The following DMD variants were observed in gnomAD, a reference collection of about 807,000 sequenced individuals.
DMD encodes dystrophin.
DMD carries 63 observed loss-of-function variants against 330.1 expected under a neutral mutation model. The observed-to-expected ratio is 0.19, with a 90% CI of 0.16 to 0.24. DMD has a LOEUF of 0.24. DMD is among the 10% of genes least tolerant of loss of function. The pLI, the probability that DMD is intolerant of heterozygous loss-of-function variation, is 1.00. For synonymous variants in DMD, 1,223 were observed against 959.8 expected (o/e 1.27, Z -5.07); for missense variants, 3,344 against 2,684.1 (o/e 1.25, Z -5.43).
chrX:32,989,623 T>C (rs960321898), intron 2 of DMD, among the ~76,000 whole-genome samples: 6 of 111,879 alleles, frequency 5.4e-5, no homozygotes, highest in Admixed American at 9.5e-5. Flanking sequence ...AAATGTCATG[T>C]CTTTACAATG....
intron 12 of DMD, among the ~76,000 whole-genome samples, chrX:32,613,760 T>C (rs1410272737): frequency 1.8e-5 from 2 of 111,641 alleles, no homozygotes; most frequent in African/African-American, 3.2e-5. Flanking sequence ...TTGATTTCTT[T>C]TCCAAATACG....
chrX:33,088,553 A>G (rs2095040033), intron 1 of DMD, among the ~76,000 whole-genome samples: 1 of 111,074 alleles, frequency 9.0e-6, no homozygotes, highest in Admixed American at 9.6e-5. Context: ...GGATTCTTTA[A>G]TTAAGAAGCT....
At chrX:31,961,223 G>A (rs1246758816) in intron 45 of DMD, among the ~76,000 whole-genome samples, 2 of 111,841 alleles carry the variant, frequency 1.8e-5, no homozygotes, top group East Asian at 5.6e-4. Flanking sequence ...TTTAAGACTA[G>A]AAGGGATCAA....
chrX:31,337,238 G>A (rs1240026982), intron 61 of DMD, among the ~76,000 whole-genome samples: 1 of 110,534 alleles, frequency 9.0e-6, no homozygotes, highest in East Asian at 2.8e-4. Context: ...TATTCTTCAT[G>A]CCTCTCTGTA....
Position 32,565,239 on chromosome X carries a change from C to A in DMD, c.1992+463G>T, listed in dbSNP as rs569250876. Among the ~76,000 whole-genome samples the A allele has an allele frequency of 3.0e-4, 34 of 111,690 alleles. 1 individual carries two copies. The South Asian group carries it at 0.013, about 41-fold the overall frequency. On this transcript the variant is annotated intron_variant, in intron 16 of 78. Coordinates refer to ENST00000357033, the MANE Select transcript of DMD (RefSeq NM_004006.3). The stretch of plus-strand genomic sequence containing the variant: ...TACAATAGTCAGATAATTAACTACA[C>A]TAATAAAAAACTTTCCAAGAAATCA...
At chrX:31,266,976 C>A in intron 62 of DMD, 1 of 958,414 alleles carries the variant, frequency 1.0e-6, no homozygotes, top group Non-Finnish European at 1.4e-6. Flanking sequence ...CGCGGGCGGG[C>A]CGGGGAGGGG....
At chrX:33,308,785 T>A (rs983651077) in intron 1 of DMD, among the ~76,000 whole-genome samples, 9 of 111,994 alleles carry the variant, frequency 8.0e-5, no homozygotes, top group Non-Finnish European at 1.7e-4. Context: ...ATTTTGGGAA[T>A]TTTTTTAGAT....
chrX:33,125,365 A>G (rs1258406457), intron 1 of DMD, among the ~76,000 whole-genome samples: 2 of 111,547 alleles, frequency 1.8e-5, no homozygotes, highest in Non-Finnish European at 3.8e-5. Flanking sequence ...ATAAAAAATA[A>G]TATATATTTC....
At chrX:33,179,660 C>G (rs1421379082) in intron 1 of DMD, among the ~76,000 whole-genome samples, 1 of 104,690 alleles carries the variant, frequency 9.6e-6, no homozygotes, top group East Asian at 3.0e-4. Flanking sequence ...CGCCACTGCA[C>G]TCTAGCCTGG....
At chrX:33,328,328 C>T (rs1359954568) in intron 1 of DMD, among the ~76,000 whole-genome samples, 27 of 110,412 alleles carry the variant, frequency 2.4e-4, no homozygotes, top group Admixed American at 2.0e-3. Flanking sequence ...CTCAGCCTCC[C>T]GAGTAGCTGG....
At chrX:32,083,586 G>GA (rs918040795) in intron 44 of DMD, among the ~76,000 whole-genome samples, 4 of 109,737 alleles carry the variant, frequency 3.6e-5, no homozygotes, top group Admixed American at 1.9e-4. Flanking sequence ...CGTAGATAAG[G>GA]AAAAAAAAAT....
At chrX:32,585,456 C>T (rs1351503918) in intron 13 of DMD, among the ~76,000 whole-genome samples, 1 of 110,115 alleles carries the variant, frequency 9.1e-6, no homozygotes, top group Non-Finnish European at 1.9e-5. Flanking sequence ...AATCCCAGCA[C>T]TTTGGGAGGC....
At chrX:31,166,266 A>C (rs2039409254) in intron 74 of DMD, among the ~76,000 whole-genome samples, 1 of 111,701 alleles carries the variant, frequency 9.0e-6, no homozygotes, top group Admixed American at 9.5e-5. Flanking sequence ...GACACTTCTC[A>C]AACAGCCATC....
At chrX:32,812,052 G>A (rs181500050) in intron 6 of DMD, among the ~76,000 whole-genome samples, 6 of 111,045 alleles carry the variant, frequency 5.4e-5, no homozygotes, top group Admixed American at 9.6e-5. Flanking sequence ...GGCTGTTAAC[G>A]TATTATAATT....
chrX:31,813,033 T>A (rs1163827372), intron 50 of DMD, among the ~76,000 whole-genome samples: 1 of 111,952 alleles, frequency 8.9e-6, no homozygotes, highest in Non-Finnish European at 1.9e-5. Context: ...GATACATATA[T>A]ATCTGTCAGT....
chrX:32,150,390 C>A (rs1293938975), intron 44 of DMD, among the ~76,000 whole-genome samples: 1 of 111,884 alleles, frequency 8.9e-6, no homozygotes, highest in Non-Finnish European at 1.9e-5. Flanking sequence ...GCTGGCATTG[C>A]CAATCATTTT....
At chrX:31,529,586 G>A (rs759994747) in intron 55 of DMD, among the ~76,000 whole-genome samples, 2 of 110,654 alleles carry the variant, frequency 1.8e-5, no homozygotes, top group Admixed American at 9.6e-5. Context: ...TCTGTGACAC[G>A]ACGTTCTCTT....
At chrX:32,269,265 C>T (rs1478403484) in intron 43 of DMD, among the ~76,000 whole-genome samples, 1 of 111,086 alleles carries the variant, frequency 9.0e-6, no homozygotes, top group African/African-American at 3.3e-5. Context: ...TGCAGATAGC[C>T]CCCTACCCCA....
At chrX:32,596,301 A>G (rs1295704775) in intron 12 of DMD, among the ~76,000 whole-genome samples, 1 of 47,801 alleles carries the variant, frequency 2.1e-5, no homozygotes, top group South Asian at 1.0e-3. Context: ...CTCTTCACTG[A>G]AAAAAAAAAA....
Sources: allele counts gnomAD v4.1 joint callset (sites outside exome capture counted in the v4.1 genomes callset), GRCh38; gene constraint gnomAD v4.1.1; transcripts MANE v1.5; gene names NCBI Gene and HGNC (gene_info 2026-07-23, HGNC 2026-07-21).